Variants in RYR2 observed in about 807,000 individuals in gnomAD.
RYR2 encodes the protein cardiac muscle ryanodine receptor-calcium release channel.
Under a neutral mutation model 601.1 loss-of-function variants are expected in RYR2, and 227 were observed. The observed-to-expected ratio is 0.38, with a 90% CI of 0.34 to 0.42. RYR2 has a LOEUF of 0.42. Among genes scored for constraint, RYR2 ranks in the 10% least tolerant of loss-of-function variants. The pLI, the probability that RYR2 is intolerant of heterozygous loss-of-function variation, is 1.00. For missense variants in RYR2, 4,646 were observed against 6,156.5 expected, an observed-to-expected ratio of 0.75 and a Z score of 8.21; for synonymous variants, 2,223 against 2,175.1, an observed-to-expected ratio of 1.02 and a Z score of -0.61.
intron 12 of RYR2, among the ~76,000 whole-genome samples, chr1:237,432,126 G>A (rs752226176): frequency 6.7e-6 from 1 of 150,170 alleles, no homozygotes; most frequent in East Asian, 2.0e-4. Context: ...TTCTTGGAAC[G>A]CATGTGGCTT....
intron 34 of RYR2, among the ~76,000 whole-genome samples, chr1:237,599,983 A>G (rs1350734116): frequency 1.3e-5 from 2 of 152,148 alleles, no homozygotes; most frequent in African/African-American, 4.8e-5. Context: ...TAATATTATT[A>G]AAATGTCCAT....
intron 1 of RYR2, among the ~76,000 whole-genome samples, chr1:237,117,432 G>T (rs971460091): frequency 1.3e-5 from 2 of 152,036 alleles, no homozygotes; most frequent in Non-Finnish European, 2.9e-5. Context: ...TTTGGAGGAT[G>T]GACAAGTTAG....
chr1:237,081,939 C>G lies in RYR2; in HGVS notation c.48+39370C>G, dbSNP rs138768793. 1.6e-4 allele frequency among the ~76,000 whole-genome samples: 25 copies of G among 152,228 alleles called. No homozygotes were observed. The East Asian group carries it at 4.8e-3, about 29-fold the overall frequency. On this transcript the variant is annotated intron_variant, in intron 1 of 104. Transcript: ENST00000366574. ...GAGGCAGGAGACATCAGCACCTGTG[C>G]AAAGGGAAAGGCTAATTACTCCAAG...
chr1:237,610,629 T>C lies in RYR2; in HGVS notation c.4684-133T>C. ...TTTCAACCCAATTTCTATGATTTCTTGTGTTGACTTTGCTTGACTCATAGG... is the reference window on the plus strand; with the variant it reads ...TTTCAACCCAATTTCTATGATTTCTCGTGTTGACTTTGCTTGACTCATAGG... On this transcript the variant is annotated intron_variant, in intron 35 of 104. Transcript: ENST00000366574. The surrounding 1 kb of genome is among the most constrained non-coding windows in gnomAD (Gnocchi z 4.9). 1.4e-6 allele frequency: 1 copy of C among 698,998 alleles called. No homozygotes were observed. The highest frequency in any genetic ancestry group is 2.4e-6 in the Non-Finnish European group (1 of 421,598). The allele number at this position is 698,998 out of a possible 1,614,324, so 43.3% of individuals were successfully genotyped here.
intron 1 of RYR2, among the ~76,000 whole-genome samples, chr1:237,208,045 C>CTGA (rs1347415011): frequency 6.6e-6 from 1 of 152,234 alleles, no homozygotes; most frequent in African/African-American, 2.4e-5. Context: ...CCAGGATGAA[C>CTGA]TGATGTTGGT....
At chr1:237,274,806 T>G (rs1477573985) in intron 2 of RYR2, among the ~76,000 whole-genome samples, 2 of 152,124 alleles carry the variant, frequency 1.3e-5, no homozygotes, top group Admixed American at 1.3e-4. Context: ...CTTTTTCTAT[T>G]TTGAGATATG....
rs56116691 is a variant in RYR2 at position 237,476,509 on chromosome 1, C to CA, written c.1708+7354dup. Among the ~76,000 whole-genome samples the CA allele has an allele frequency of 1.3e-3, 91 of 70,204 alleles. 4 individuals carry two copies. The highest frequency in any genetic ancestry group is 1.7e-3 in the Non-Finnish European group (69 of 40,024). The allele number at this position is 70,204 out of a possible 152,430, so 46.1% of individuals were successfully genotyped here. On this transcript the variant is annotated intron_variant, in intron 17 of 104. Transcript: ENST00000366574. ...TGGGTGATAGCGTGAGACTCTGTCT[C>CA]AAAAAAAAAAAAAAAAAAAAAAAAA...
chr1:237,143,652 C>G (rs1469090585), intron 1 of RYR2, among the ~76,000 whole-genome samples: 4 of 152,118 alleles, frequency 2.6e-5, no homozygotes, highest in Non-Finnish European at 4.4e-5. Flanking sequence ...TTTGTCCACA[C>G]CCTCACTAGC....
chr1:237,361,477 T>A (rs1699779264), intron 4 of RYR2, among the ~76,000 whole-genome samples: 1 of 152,106 alleles, frequency 6.6e-6, no homozygotes, highest in Admixed American at 6.5e-5. Context: ...CAGAGTAGGG[T>A]ATTTTGCCTC....
intron 54 of RYR2, among the ~76,000 whole-genome samples, chr1:237,658,250 A>T (rs1683438633): frequency 6.6e-6 from 1 of 152,176 alleles, no homozygotes; most frequent in Admixed American, 6.5e-5. Context: ...CTTTCAAAAG[A>T]TCTATTCATT....
At chr1:237,536,530 T>C (rs1056199948) in intron 25 of RYR2, among the ~76,000 whole-genome samples, 9 of 151,330 alleles carry the variant, frequency 5.9e-5, no homozygotes, top group East Asian at 2.0e-4. Flanking sequence ...CTGGCTAACA[T>C]GGTGAAACCC....
At chr1:237,816,407 A>C (rs1661827426) in intron 100 of RYR2, among the ~76,000 whole-genome samples, 1 of 152,202 alleles carries the variant, frequency 6.6e-6, no homozygotes. Context: ...AATCCAGGCT[A>C]GGCACGGTGA....
At chr1:237,376,223 T>C (rs1163382257) in intron 7 of RYR2, among the ~76,000 whole-genome samples, 1 of 152,312 alleles carries the variant, frequency 6.6e-6, no homozygotes, top group South Asian at 2.1e-4. Context: ...GGTTAGATTA[T>C]GGTTTGTGTA....
At chr1:237,803,119 A>G (rs1490333606) in intron 98 of RYR2, among the ~76,000 whole-genome samples, 1 of 152,218 alleles carries the variant, frequency 6.6e-6, no homozygotes, top group African/African-American at 2.4e-5. Context: ...AATATTTAGC[A>G]TAAGTATGTC....
intron 58 of RYR2, among the ~76,000 whole-genome samples, chr1:237,669,548 C>T (rs1254164777): frequency 4.6e-5 from 7 of 150,986 alleles, no homozygotes; most frequent in Non-Finnish European, 8.9e-5. Flanking sequence ...GGCTGCCGGG[C>T]GGAGGGGCTC....
At chr1:237,182,154 C>A (rs1678840563) in intron 1 of RYR2, among the ~76,000 whole-genome samples, 1 of 148,606 alleles carries the variant, frequency 6.7e-6, no homozygotes. Flanking sequence ...TGGAGTCGCA[C>A]TCTATTGCCC....
At position 237,707,052 on chromosome 1, in the gene RYR2, C is replaced by T; in HGVS notation, c.9684C>T (p.Tyr3228=). The change falls in exon 68 of 105, where the codon TAC becomes TAT. Residue 3228 remains tyrosine, a synonymous_variant. Transcript: ENST00000366574. The part of the protein sequence containing the change: ...IVELAESGIR[Y]TQMPHVMEVI... Reference sequence around the variant, plus strand: ...AATTAGCCGAGTCCGGCATTCGCTACACTCAAATGCCACATGTCATGGAAG... The same window carrying T: ...AATTAGCCGAGTCCGGCATTCGCTATACTCAAATGCCACATGTCATGGAAG... The T allele has an allele frequency of 3.1e-6, 5 of 1,613,628 alleles. No homozygotes were observed. The highest frequency in any genetic ancestry group is 4.2e-6 in the Non-Finnish European group (5 of 1,179,584).
rs559782679 is a variant in RYR2 at position 237,145,073 on chromosome 1, T to G, written c.48+102504T>G. Among the ~76,000 whole-genome samples, 3 of 150,514 alleles carry G rather than the reference T, an allele frequency of 2.0e-5. No individual in the cohort carries two copies. In the East Asian group the frequency reaches 5.9e-4, roughly 29 times the overall value. On this transcript the variant is annotated intron_variant, in intron 1 of 104. Coordinates refer to ENST00000366574, the MANE Select transcript of RYR2 (RefSeq NM_001035.3). ...TCATACACTGGGGCCTGTCGGGGGG[T>G]TGGGGGAGCTAGGGGAGGGATAGCA...
At chr1:237,762,116 A>G (rs1386126789) in intron 84 of RYR2, among the ~76,000 whole-genome samples, 1 of 152,116 alleles carries the variant, frequency 6.6e-6, no homozygotes, top group Admixed American at 6.5e-5. Flanking sequence ...TGACATTTGG[A>G]TGTACAAGTG....
Sources: allele counts gnomAD v4.1 joint callset (sites outside exome capture counted in the v4.1 genomes callset), GRCh38; gene constraint gnomAD v4.1.1; non-coding constraint Gnocchi (gnomAD v3.1); transcripts MANE v1.5; gene names NCBI Gene and HGNC (gene_info 2026-07-23, HGNC 2026-07-21).